The following GLYATL1 variants were observed in gnomAD, a reference collection of about 807,000 sequenced individuals.
GLYATL1 encodes the protein glycine-N-acyltransferase like 1.
GLYATL1 carries 15 observed loss-of-function variants against 20.0 expected under a neutral mutation model. The ratio of observed to expected loss-of-function variants is 0.75; its 90% CI spans 0.50 to 1.15. The LOEUF (loss-of-function observed/expected upper bound fraction) is 1.15. GLYATL1 is among the 50% of genes most tolerant of loss of function. GLYATL1 has a pLI of 0.00. For missense variants in GLYATL1, 380 were observed against 368.5 expected, an observed-to-expected ratio of 1.03 and a Z score of -0.26; for synonymous variants, 151 against 131.5, an observed-to-expected ratio of 1.15 and a Z score of -1.01.
intron 1 of GLYATL1, chr11:58,907,177 ATACTT>A (rs1565114953): frequency 6.7e-6 from 3 of 450,296 alleles, no homozygotes; most frequent in East Asian, 7.0e-5. Flanking sequence ...ACACAGTTGA[ATACTT>A]TAGGGGAAAC....
At chr11:58,929,990 G>A (rs956758208) in intron 1 of GLYATL1, among the ~76,000 whole-genome samples, 3 of 152,118 alleles carry the variant, frequency 2.0e-5, no homozygotes, top group African/African-American at 7.2e-5. Context: ...TCAATGTCTT[G>A]GAAGCCATTT....
chr11:58,954,767 C>A lies in GLYATL1; in HGVS notation c.187-3C>A. The A allele has an allele frequency of 1.9e-6, 3 of 1,598,046 alleles. No individual in the cohort carries two copies. Among genetic ancestry groups the A allele is most frequent in the Non-Finnish European group, 2.6e-6 (3 of 1,174,298 alleles). ...TGACCTGATCTTATATCATCCAATACAGGAGATGACTGATGACATGGATTC... is the reference window on the plus strand; with the variant it reads ...TGACCTGATCTTATATCATCCAATAAAGGAGATGACTGATGACATGGATTC... On this transcript the variant is annotated splice_region_variant and splice_polypyrimidine_tract_variant and intron_variant, in intron 4 of 6. Transcript: ENST00000532726.
intron 1 of GLYATL1, chr11:58,943,185 G>T: frequency 7.7e-7 from 1 of 1,297,240 alleles, no homozygotes. Context: ...AAACTGTAAC[G>T]TAGCTTAATC....
At chr11:58,906,400 T>A (rs1854886606) in intron 1 of GLYATL1, among the ~76,000 whole-genome samples, 1 of 152,156 alleles carries the variant, frequency 6.6e-6, no homozygotes, top group African/African-American at 2.4e-5. Flanking sequence ...GAGACCAGGT[T>A]CGGTTAAGCA....
rs1163580128 is a variant in GLYATL1 at position 58,940,695 on chromosome 11, T to TG, written c.-167+1046dup. On this transcript the variant is annotated intron_variant, in intron 1 of 6. Transcript: ENST00000532726. ...TTTGTCTGGGTTTTGTATTTGTTTCTGCTAGATATTTTGAGGTATGAGAGT... is the reference window on the plus strand; with the variant it reads ...TTTGTCTGGGTTTTGTATTTGTTTCTGGCTAGATATTTTGAGGTATGAGAGT... 3.3e-5 allele frequency among the ~76,000 whole-genome samples: 5 copies of TG among 152,370 alleles called. No individual in the cohort carries two copies. In the East Asian group the frequency reaches 5.8e-4, roughly 18 times the overall value.
chr11:58,914,502 G>T (rs1855123173), intron 1 of GLYATL1, among the ~76,000 whole-genome samples: 1 of 152,166 alleles, frequency 6.6e-6, no homozygotes, highest in Non-Finnish European at 1.5e-5. Context: ...TCATTACATG[G>T]GTTGGGAGGA....
At chr11:58,949,685 A>C (rs486950) in intron 4 of GLYATL1, among the ~76,000 whole-genome samples, 49,477 of 151,888 alleles carry the variant, frequency 0.33, 8,579 homozygotes, top group Non-Finnish European at 0.39. Flanking sequence ...TAAGACCAAA[A>C]AAAAAACAAA....
chr11:58,956,160 C>G lies in GLYATL1; in HGVS notation c.*133C>G. 1 of 790,982 alleles carries G rather than the reference C, an allele frequency of 1.3e-6. No individual in the cohort carries two copies. The highest frequency in any genetic ancestry group is 1.7e-5 in the African/African-American group (1 of 57,558). The allele number at this position is 790,982 out of a possible 1,614,324, so 49.0% of individuals were successfully genotyped here. ...AGCAGGAACTCTTCTCACCTGGAGC[C>G]TTGATGTTAAAAGACACAGCCATGC... On this transcript the variant is annotated 3_prime_UTR_variant, in exon 7 of 7. Transcript: ENST00000532726.
At chr11:58,934,086 C>T (rs1855721708) in intron 1 of GLYATL1, 1 of 153,598 alleles carries the variant, frequency 6.5e-6, no homozygotes, top group Non-Finnish European at 1.4e-5. Context: ...AGGGGCTGGC[C>T]AGATTTTGGA....
chr11:58,937,638 A>G (rs188694452), upstream of GLYATL1, among the ~76,000 whole-genome samples: 118 of 152,332 alleles, frequency 7.7e-4, no homozygotes, highest in African/African-American at 2.8e-3. Flanking sequence ...AACATGATTA[A>G]TATCCATAAT....
downstream of GLYATL1, among the ~76,000 whole-genome samples, chr11:58,911,632 A>G (rs937260640): frequency 8.5e-5 from 13 of 152,148 alleles, no homozygotes; most frequent in African/African-American, 2.7e-4. Context: ...TGTCTATTAA[A>G]ATATTTTGCC....
At chr11:58,938,031 C>T (rs1457902627), upstream of GLYATL1, among the ~76,000 whole-genome samples, 4 of 152,114 alleles carry the variant, frequency 2.6e-5, no homozygotes, top group African/African-American at 4.8e-5. Flanking sequence ...TACACCAACA[C>T]GTAAAGGTAG....
chr11:58,925,600 G>A (rs761336431), upstream of GLYATL1, among the ~76,000 whole-genome samples: 21 of 151,586 alleles, frequency 1.4e-4, no homozygotes, highest in Non-Finnish European at 2.6e-4. Flanking sequence ...CTCTTTCTAG[G>A]GGTGGACATA....
At chr11:58,905,751 C>CGGGGGGGGG in intron 1 of GLYATL1, 1 of 13,934 alleles carries the variant, frequency 7.2e-5, no homozygotes, top group Admixed American at 1.0e-3. Context: ...GGAGGGTGGG[C>CGGGGGGGGG]GGGTGGGCGC....
At chr11:58,910,400 CAT>C (rs1295187968), downstream of GLYATL1, among the ~76,000 whole-genome samples, 2 of 152,084 alleles carry the variant, frequency 1.3e-5, no homozygotes, top group East Asian at 3.8e-4. Flanking sequence ...GCCATAATCA[CAT>C]GTGATTATTT....
At chr11:58,909,849 C>T (rs1330337769), downstream of GLYATL1, among the ~76,000 whole-genome samples, 1 of 152,074 alleles carries the variant, frequency 6.6e-6, no homozygotes, top group African/African-American at 2.4e-5. Context: ...GTGGATATTC[C>T]AGAATTCAGC....
chr11:58,947,371 T>A, intron 3 of GLYATL1: 1 of 649,754 alleles, frequency 1.5e-6, no homozygotes, highest in Non-Finnish European at 2.5e-6. Context: ...GTTTTGCCAC[T>A]CATTTGGAGA....
intron 1 of GLYATL1, among the ~76,000 whole-genome samples, chr11:58,931,705 A>G (rs1292037388): frequency 1.3e-5 from 2 of 152,080 alleles, no homozygotes; most frequent in Non-Finnish European, 2.9e-5. Context: ...AAAATGAACA[A>G]CTCCTGTTCT....
chr11:58,943,706 G>A, intron 2 of GLYATL1, 40 bp downstream of exon 2: 7 of 1,605,790 alleles, frequency 4.4e-6, no homozygotes, highest in Non-Finnish European at 6.0e-6. Context: ...ACACGTTGGT[G>A]TTTTGAGCTC....
Sources: allele counts gnomAD v4.1 joint callset (sites outside exome capture counted in the v4.1 genomes callset), GRCh38; gene constraint gnomAD v4.1.1; transcripts MANE v1.5; gene names NCBI Gene and HGNC (gene_info 2026-07-23, HGNC 2026-07-21).